Variants in TNF observed in about 807,000 individuals in gnomAD.
The protein encoded by TNF is APC1 protein.
TNF carries 7 observed loss-of-function variants against 21.8 expected under a neutral mutation model. That is an observed-to-expected ratio of 0.32 (90% CI 0.18 to 0.60). TNF has a LOEUF of 0.60. Ranked by LOEUF, TNF falls within the 20% of genes least tolerant of loss-of-function variation. The probability of loss-of-function intolerance (pLI) is 0.84; values close to 1 mark genes in which losing one functional copy is unlikely to be tolerated. For synonymous variants in TNF, 123 were observed against 130.2 expected (o/e 0.94, Z 0.38); for missense variants, 216 against 296.6 (o/e 0.73, Z 2.00).
At chr6:31,576,959 G>A in intron 3 of TNF, 145 bp downstream of exon 3, 1 of 1,342,482 alleles carries the variant, frequency 7.4e-7, no homozygotes, top group Non-Finnish European at 1.1e-6. Flanking sequence ...ACAGGCCTTA[G>A]TGGGATACTC....
At position 31,576,794 on chromosome 6, in the gene TNF, A is replaced by C. The variant is rs190788828; in HGVS notation, c.260A>C (p.Lys87Thr). Residue 87 changes from lysine (K) to threonine (T), a missense_variant, in exon 3 of 4, where the codon AAG becomes ACG. This residue lies in a region of TNF where 118 missense variants were observed against 127.1 expected (regional missense o/e 0.93). Transcript: ENST00000449264. Reference sequence around the variant, plus strand: ...TCATCTTCTCGAACCCCGAGTGACAAGCCTGTAGCCCATGTTGTAGGTAAG... The same window carrying C: ...TCATCTTCTCGAACCCCGAGTGACACGCCTGTAGCCCATGTTGTAGGTAAG... Reference protein sequence around the residue: ...VRSSSRTPSDKPVAHVVANPQ... With the variant: ...VRSSSRTPSDTPVAHVVANPQ... 4.3e-6 allele frequency: 7 copies of C among 1,612,952 alleles called. No individual in the cohort carries two copies. In the Admixed American group the frequency reaches 1.0e-4, roughly 23 times the overall value.
At chr6:31,576,019 C>A in intron 1 of TNF, 92 bp downstream of exon 1, 1 of 1,314,926 alleles carries the variant, frequency 7.6e-7, no homozygotes, top group South Asian at 1.8e-5. Context: ...GAAAGATGTG[C>A]GCTGATAGGG....
Position 31,576,049 on chromosome 6 carries a change from C to A in TNF, c.186+122C>A, listed in dbSNP as rs961191700. 5.8e-5 allele frequency: 61 copies of A among 1,048,572 alleles called. No homozygotes were observed. The African/African-American group carries it at 9.6e-4, about 17-fold the overall frequency. The allele number at this position is 1,048,572 out of a possible 1,614,324, so 65.0% of individuals were successfully genotyped here. A position where few individuals can be genotyped will look rare whatever the true frequency, so the allele number is the denominator to read the frequency against. On this transcript the variant is annotated intron_variant, in intron 1 of 3. Transcript: ENST00000449264. ...ATAGGGAGGGATGGAGAGAAAAAAA[C>A]GTGGAGAAAGACGGGGATGCAGAAA...
chr6:31,576,406 A>C (rs1431287831), intron 1 of TNF, 128 bp from the exon 2 acceptor site: 1 of 871,196 alleles, frequency 1.1e-6, no homozygotes, highest in African/African-American at 1.7e-5. Flanking sequence ...TGGAAGGTGA[A>C]TACACAGATG....
intron 1 of TNF, 43 bp from the exon 2 acceptor site, chr6:31,576,491 G>C: frequency 3.1e-6 from 5 of 1,603,660 alleles, no homozygotes; most frequent in Non-Finnish European, 4.3e-6. Context: ...CCTCCTTTAA[G>C]GGTGACTCCC....
At position 31,577,408 on chromosome 6, in the gene TNF, T is replaced by G. The variant is rs765691650; in HGVS notation, c.573T>G (p.Tyr191Ter). The change falls in exon 4 of 4, where the codon TAT (tyrosine) becomes TAG (stop). Residue 191 changes from tyrosine (Y) to a stop codon, truncating the protein, a stop_gained. Transcript: ENST00000449264. LOFTEE classifies it high-confidence loss of function. This position sits in a 1 kb window ranked among gnomAD's most constrained non-coding sequence, Gnocchi z 7.7. ...AGGGGGCTGAGGCCAAGCCCTGGTA[T>G]GAGCCCATCTATCTGGGAGGGGTCT... is the stretch of plus-strand genomic sequence containing the variant. Reference protein sequence around the residue: ...TPEGAEAKPWYEPIYLGGVFQ... With the variant: ...TPEGAEAKPW 1 of 1,613,142 alleles carries G rather than the reference T, an allele frequency of 6.2e-7. No individual in the cohort carries two copies. Among genetic ancestry groups the G allele is most frequent in the Non-Finnish European group, 8.5e-7 (1 of 1,180,032 alleles).
At chr6:31,576,883 G>C in intron 3 of TNF, 69 bp downstream of exon 3, 1 of 1,571,612 alleles carries the variant, frequency 6.4e-7, no homozygotes, top group South Asian at 1.1e-5. Flanking sequence ...CCGGCTGATG[G>C]TAGGCAGAAC....
Position 31,575,938 on chromosome 6 carries a change from G to A in TNF, c.186+11G>A, listed in dbSNP as rs1771159754. 6.6e-7 allele frequency: 1 copy of A among 1,510,394 alleles called. No individual in the cohort carries two copies. 93.6% of individuals were successfully genotyped at this position (1,510,394 alleles called of 1,614,324 possible). ...CCCCAGAGGGAAGAGGTGAGTGCCT[G>A]GCCAGCCTTCATCCACTCTCCCACC... On this transcript the variant is annotated intron_variant, in intron 1 of 3. Coordinates refer to ENST00000449264, the MANE Select transcript of TNF (RefSeq NM_000594.4). The surrounding 1 kb of genome is among the most constrained non-coding windows in gnomAD (Gnocchi z 6.2).
chr6:31,576,530 A>C lies in TNF; in HGVS notation c.187-4A>C. On this transcript the variant is annotated splice_polypyrimidine_tract_variant and splice_region_variant and intron_variant, in intron 1 of 3. Coordinates refer to ENST00000449264, the MANE Select transcript of TNF (RefSeq NM_000594.4). Reference sequence around the variant, plus strand: ...ATGTTAACCATTCTCCTTCTCCCCAACAGTTCCCCAGGGACCTCTCTCTAA... The same window carrying C: ...ATGTTAACCATTCTCCTTCTCCCCACCAGTTCCCCAGGGACCTCTCTCTAA... 1 of 1,613,734 alleles carries C rather than the reference A, an allele frequency of 6.2e-7. No individual in the cohort carries two copies. Among genetic ancestry groups the C allele is most frequent in the South Asian group, 1.1e-5 (1 of 91,054 alleles).
rs1771215551 is a variant in TNF at position 31,577,064 on chromosome 6, G to C, written c.281-52G>C. The C allele has an allele frequency of 3.2e-6, 5 of 1,553,194 alleles. No homozygotes were observed. Among genetic ancestry groups the C allele is most frequent in the Non-Finnish European group, 2.6e-6 (3 of 1,151,716 alleles). On this transcript the variant is annotated intron_variant, in intron 3 of 3. Transcript: ENST00000449264. The surrounding 1 kb of genome is among the most constrained non-coding windows in gnomAD (Gnocchi z 7.7). ...GAGCTCGAGGGCCAGGATGTGGAGA[G>C]TGAACCGACATGGCCACACTGACTC...
chr6:31,577,447 G>T lies in TNF; in HGVS notation c.612G>T (p.Lys204Asn). 1 of 1,613,122 alleles carries T rather than the reference G, an allele frequency of 6.2e-7. No homozygotes were observed. The highest frequency in any genetic ancestry group is 8.5e-7 in the Non-Finnish European group (1 of 1,180,036). Residue 204 changes from lysine (K) to asparagine (N), a missense_variant, in exon 4 of 4, where the codon AAG becomes AAT. By Grantham distance (94) the Lys-to-Asn change is moderately conservative (BLOSUM62 0). Coordinates refer to ENST00000449264, the MANE Select transcript of TNF (RefSeq NM_000594.4). This position sits in a 1 kb window ranked among gnomAD's most constrained non-coding sequence, Gnocchi z 7.7. Reference protein sequence around the residue: ...IYLGGVFQLEKGDRLSAEINR... With the variant: ...IYLGGVFQLENGDRLSAEINR... The stretch of plus-strand genomic sequence containing the variant: ...TGGGAGGGGTCTTCCAGCTGGAGAA[G>T]GGTGACCGACTCAGCGCTGAGATCA...
Position 31,577,114 on chromosome 6 carries a change from A to G in TNF, c.281-2A>G, listed in dbSNP as rs779209412. The G allele has an allele frequency of 6.2e-7, 1 of 1,600,184 alleles. No homozygotes were observed. Among genetic ancestry groups the G allele is most frequent in the Admixed American group, 1.7e-5 (1 of 59,338 alleles). On this transcript the variant is annotated splice_acceptor_variant, in intron 3 of 3. Coordinates refer to ENST00000449264, the MANE Select transcript of TNF (RefSeq NM_000594.4). LOFTEE classifies it high-confidence loss of function. The surrounding 1 kb of genome is among the most constrained non-coding windows in gnomAD (Gnocchi z 7.7). ...CTCCTCTCCCTCTCTCCCTCCCTCCAGCAAACCCTCAAGCTGAGGGGCAGC... is the reference window on the plus strand; with the variant it reads ...CTCCTCTCCCTCTCTCCCTCCCTCCGGCAAACCCTCAAGCTGAGGGGCAGC...
chr6:31,576,458 G>A (rs1771185514), intron 1 of TNF, 76 bp from the exon 2 acceptor site: 13 of 1,488,358 alleles, frequency 8.7e-6, no homozygotes, highest in African/African-American at 1.4e-5. Context: ...TAAGAGCGCA[G>A]GCCAGACAGG....
rs201502336 is a variant in TNF at position 31,575,764 on chromosome 6, G to C, written c.23G>C (p.Arg8Pro). 1 of 1,601,192 alleles carries C rather than the reference G, an allele frequency of 6.2e-7. No individual in the cohort carries two copies. The highest frequency in any genetic ancestry group is 8.5e-7 in the Non-Finnish European group (1 of 1,173,984). MSTESMI[R>P]DVELAEEALP... ...ACCATGAGCACTGAAAGCATGATCC[G>C]GGACGTGGAGCTGGCCGAGGAGGCG... Residue 8 changes from arginine (R) to proline (P), a missense_variant, in exon 1 of 4, where the codon CGG becomes CCG. By Grantham distance (103) the Arg-to-Pro change is moderately radical. Around this residue, in one of 2 missense-constraint regions of TNF, gnomAD observed 118 missense variants for 127.1 expected, o/e 0.93. Transcript: ENST00000449264. The surrounding 1 kb of genome is among the most constrained non-coding windows in gnomAD (Gnocchi z 6.2).
rs1213638600 is a variant in TNF, at chr6:31,575,919, A to G, written c.178A>G (p.Arg60Gly). 6.4e-7 allele frequency: 1 copy of G among 1,552,338 alleles called. No individual in the cohort carries two copies. The highest frequency in any genetic ancestry group is 8.7e-7 in the Non-Finnish European group (1 of 1,148,310). ...LLHFGVIGPQ[R>G]EEFPRDLSLI... ...GCACTTTGGAGTGATCGGCCCCCAG[A>G]GGGAAGAGGTGAGTGCCTGGCCAGC... The change falls in exon 1 of 4, where the codon AGG (arginine) becomes GGG (glycine). Residue 60 changes from arginine to glycine, a missense_variant. By Grantham distance (125) the Arg-to-Gly change is moderately radical (BLOSUM62 -2). Transcript: ENST00000449264. The surrounding 1 kb of genome is among the most constrained non-coding windows in gnomAD (Gnocchi z 6.2).
chr6:31,577,587 T>C lies in TNF; in HGVS notation c.*50T>C, dbSNP rs1165998512. ...AAACGCCTCCCCTGCCCCAATCCCT[T>C]TATTACCCCCTCCTTCAGACACCCT... On this transcript the variant is annotated 3_prime_UTR_variant, in exon 4 of 4. Transcript: ENST00000449264. This position sits in a 1 kb window ranked among gnomAD's most constrained non-coding sequence, Gnocchi z 7.7. 6.2e-7 allele frequency: 1 copy of C among 1,606,360 alleles called. No individual in the cohort carries two copies. Among genetic ancestry groups the C allele is most frequent in the African/African-American group, 1.3e-5 (1 of 74,772 alleles).
In TNF at chr6:31,575,573, C is replaced by T. The variant is rs1205533116; in HGVS notation, c.-169C>T. The T allele has an allele frequency of 1.6e-6, 1 of 624,536 alleles. No homozygotes were observed. The highest frequency in any genetic ancestry group is 1.9e-5 in the African/African-American group (1 of 53,918). 38.7% of individuals were successfully genotyped at this position (624,536 alleles called of 1,614,324 possible). On this transcript the variant is annotated 5_prime_UTR_variant, in exon 1 of 4. Transcript: ENST00000449264. The surrounding 1 kb of genome is among the most constrained non-coding windows in gnomAD (Gnocchi z 6.2). ...TGTTGGCACACCCAGCCAGCAGACG[C>T]TCCCTCAGCAAGGACAGCAGAGGAC...
In TNF at chr6:31,577,184, G is replaced by T. The variant is rs548532642; in HGVS notation, c.349G>T (p.Val117Leu). Residue 117 changes from valine (V) to leucine (L), a missense_variant, in exon 4 of 4, where the codon GTG becomes TTG. Around this residue, in one of 2 missense-constraint regions of TNF, gnomAD observed 98 missense variants for 169.6 expected, o/e 0.58. Transcript: ENST00000449264. This position sits in a 1 kb window ranked among gnomAD's most constrained non-coding sequence, Gnocchi z 7.7. Reference protein sequence around the residue: ...RRANALLANGVELRDNQLVVP... With the variant: ...RRANALLANGLELRDNQLVVP... ...GGCCAATGCCCTCCTGGCCAATGGC[G>T]TGGAGCTGAGAGATAACCAGCTGGT... is the stretch of plus-strand genomic sequence containing the variant. 1.9e-6 allele frequency: 3 copies of T among 1,612,912 alleles called. No homozygotes were observed. Among genetic ancestry groups the T allele is most frequent in the Non-Finnish European group, 2.5e-6 (3 of 1,179,994 alleles).
chr6:31,577,012 G>A lies in TNF; in HGVS notation c.281-104G>A. ...TGGGATGTGGGATGACAGACAGAGA[G>A]GACAGGAACCGGATGTGGGGTGGGC... On this transcript the variant is annotated intron_variant, in intron 3 of 3. Transcript: ENST00000449264. The surrounding 1 kb of genome is among the most constrained non-coding windows in gnomAD (Gnocchi z 7.7). The A allele has an allele frequency of 4.1e-6, 6 of 1,461,014 alleles. No homozygotes were observed. The highest frequency in any genetic ancestry group is 5.6e-6 in the Non-Finnish European group (6 of 1,071,984). 90.5% of individuals were successfully genotyped at this position (1,461,014 alleles called of 1,614,324 possible).
Sources: allele counts gnomAD v4.1 joint callset, GRCh38; gene constraint gnomAD v4.1.1; regional missense constraint gnomAD v4.1.1; non-coding constraint Gnocchi (gnomAD v3.1); transcripts MANE v1.5; gene names NCBI Gene and HGNC (gene_info 2026-07-23, HGNC 2026-07-21).